ZFYVE9: variants seen among roughly 807,000 people sequenced by gnomAD.
ZFYVE9 encodes zinc finger FYVE domain-containing protein 9.
A neutral mutation model predicts 126.7 loss-of-function variants in ZFYVE9; 43 were observed. The observed-to-expected ratio is 0.34, with a 90% CI of 0.27 to 0.44. The LOEUF is 0.44. ZFYVE9 is among the 20% of genes least tolerant of loss of function. The pLI, the probability that ZFYVE9 is intolerant of heterozygous loss-of-function variation, is 1.00. For synonymous variants in ZFYVE9, 521 were observed against 597.4 expected, an observed-to-expected ratio of 0.87 and a Z score of 1.87; for missense variants, 1,476 against 1,697.0, an observed-to-expected ratio of 0.87 and a Z score of 2.29.
chr1:52,209,071 AT>A (rs2124583136), intron 1 of ZFYVE9, among the ~76,000 whole-genome samples: 1 of 152,350 alleles, frequency 6.6e-6, no homozygotes, highest in Admixed American at 6.5e-5. Context: ...AGCAATCTCT[AT>A]CCTGAGAAAC....
chr1:52,331,088 C>T (rs982069119), intron 13 of ZFYVE9, among the ~76,000 whole-genome samples: 16 of 151,992 alleles, frequency 1.1e-4, no homozygotes, highest in Admixed American at 9.8e-4. Context: ...AGGCTGGTCT[C>T]GAACTCCTGA....
At chr1:52,264,502 C>T (rs1324294135) in intron 5 of ZFYVE9, among the ~76,000 whole-genome samples, 1 of 152,102 alleles carries the variant, frequency 6.6e-6, no homozygotes, top group African/African-American at 2.4e-5. Context: ...TTTTGCTGGA[C>T]TGGAAATGAT....
intron 2 of ZFYVE9, among the ~76,000 whole-genome samples, chr1:52,219,935 G>A (rs889123017): frequency 8.6e-5 from 13 of 151,832 alleles, no homozygotes; most frequent in African/African-American, 2.7e-4. Context: ...CAGCCACCAC[G>A]CCCGGCTAAT....
Position 52,311,021 on chromosome 1 carries a change from G to T in ZFYVE9, c.3438+7096G>T, listed in dbSNP as rs183888547. Among the ~76,000 whole-genome samples the T allele has an allele frequency of 2.8e-3, 426 of 152,154 alleles. 3 individuals are homozygous for T. Among genetic ancestry groups the T allele is most frequent in the African/African-American group, 9.9e-3 (411 of 41,522 alleles). ...GCTGGGACTACAGGTGTGCACCACT[G>T]TGCGCAGCTAATTTTTAAATTTTTT... On this transcript the variant is annotated intron_variant, in intron 13 of 18. Coordinates refer to ENST00000287727, the MANE Select transcript of ZFYVE9 (RefSeq NM_004799.4).
rs531008588 is a variant in ZFYVE9 at position 52,201,000 on chromosome 1, A to G, written c.-142-15369A>G. On this transcript the variant is annotated intron_variant, in intron 1 of 18. Coordinates refer to ENST00000287727, the MANE Select transcript of ZFYVE9 (RefSeq NM_004799.4). The stretch of plus-strand genomic sequence containing the variant: ...CTCCTCCATATAAATTTTAGGATCA[A>G]TTTGTCAATGTTTATAAAATAACTT... 8.5e-5 allele frequency among the ~76,000 whole-genome samples: 13 copies of G among 152,294 alleles called. No individual in the cohort carries two copies. In the South Asian group the frequency reaches 2.1e-3, roughly 24 times the overall value.
At chr1:52,150,978 G>T (rs181332533) in intron 1 of ZFYVE9, among the ~76,000 whole-genome samples, 1 of 150,904 alleles carries the variant, frequency 6.6e-6, no homozygotes, top group East Asian at 1.9e-4. Flanking sequence ...TGTGATTCTG[G>T]TGATAATTGT....
intron 1 of ZFYVE9, among the ~76,000 whole-genome samples, chr1:52,198,120 G>GTTTTTTTTTTTTTTTTTTTT (rs373096573): frequency 9.0e-6 from 1 of 111,082 alleles, no homozygotes; most frequent in Non-Finnish European, 1.7e-5. Flanking sequence ...GTTTTTTTTT[G>GTTTTTTTTTTTTTTTTTTTT]TTTGTTTTTT....
intron 1 of ZFYVE9, among the ~76,000 whole-genome samples, chr1:52,151,422 T>C (rs1038621458): frequency 2.6e-5 from 4 of 152,164 alleles, no homozygotes; most frequent in Non-Finnish European, 5.9e-5. Flanking sequence ...TTCAAACTTA[T>C]ATATCAAGCT....
chr1:52,255,986 TTCCTTCC>T, intron 4 of ZFYVE9, among the ~76,000 whole-genome samples: 1 of 131,928 alleles, frequency 7.6e-6, no homozygotes, highest in East Asian at 2.7e-4. Flanking sequence ...CTTTCTTTCC[TTCCTTCC>T]TTCCTTCCTT....
chr1:52,245,390 T>C (rs1055023527), intron 4 of ZFYVE9, among the ~76,000 whole-genome samples: 4 of 151,932 alleles, frequency 2.6e-5, no homozygotes, highest in African/African-American at 9.7e-5. Flanking sequence ...GGGAAGCAGA[T>C]AGATTGTGGT....
At chr1:52,327,979 GAAA>G (rs1196600729) in intron 13 of ZFYVE9, among the ~76,000 whole-genome samples, 2 of 128,042 alleles carry the variant, frequency 1.6e-5, no homozygotes, top group African/African-American at 5.6e-5. Flanking sequence ...GTCTCAAAAA[GAAA>G]AAAAAAAAAA....
At chr1:52,194,002 G>A (rs906277633) in intron 1 of ZFYVE9, among the ~76,000 whole-genome samples, 4 of 151,894 alleles carry the variant, frequency 2.6e-5, no homozygotes, top group Admixed American at 6.6e-5. Context: ...CCAGCTTCTC[G>A]GGCGGCTGAG....
At chr1:52,332,212 G>A (rs927298276) in intron 13 of ZFYVE9, among the ~76,000 whole-genome samples, 30 of 150,678 alleles carry the variant, frequency 2.0e-4, no homozygotes, top group African/African-American at 6.6e-4. Context: ...TTTTTTTTTG[G>A]ATTAGGTCAG....
intron 13 of ZFYVE9, among the ~76,000 whole-genome samples, chr1:52,307,299 A>C (rs1041297437): frequency 6.6e-6 from 1 of 151,496 alleles, no homozygotes; most frequent in Non-Finnish European, 1.5e-5. Context: ...GCAGTGGCAC[A>C]ATCTTGGCTC....
At chr1:52,151,803 C>G (rs1305321629) in intron 1 of ZFYVE9, among the ~76,000 whole-genome samples, 1 of 152,070 alleles carries the variant, frequency 6.6e-6, no homozygotes, top group Non-Finnish European at 1.5e-5. Context: ...AGACATGAGC[C>G]ACCTCTCTGA....
chr1:52,327,265 C>A (rs1312921627), intron 13 of ZFYVE9, among the ~76,000 whole-genome samples: 1 of 152,082 alleles, frequency 6.6e-6, no homozygotes, highest in Non-Finnish European at 1.5e-5. Context: ...TATGGCATTT[C>A]AAAGAAGGTA....
intron 1 of ZFYVE9, among the ~76,000 whole-genome samples, chr1:52,149,850 C>G (rs1233536285): frequency 6.6e-6 from 1 of 152,108 alleles, no homozygotes; most frequent in East Asian, 1.9e-4. Flanking sequence ...CTTTTAGTTC[C>G]TTTGGATGAT....
At chr1:52,182,239 C>G (rs1389589857) in intron 1 of ZFYVE9, among the ~76,000 whole-genome samples, 2 of 152,228 alleles carry the variant, frequency 1.3e-5, no homozygotes, top group Non-Finnish European at 2.9e-5. Context: ...ACCACCCCGT[C>G]TGGGAGGTGT....
intron 1 of ZFYVE9, among the ~76,000 whole-genome samples, chr1:52,183,492 A>G (rs941646979): frequency 6.6e-6 from 1 of 152,096 alleles, no homozygotes; most frequent in Non-Finnish European, 1.5e-5. Context: ...ATTTTATTCA[A>G]AATTATTTAT....
Sources: gnomAD v4.1 joint callset for allele counts (sites outside exome capture counted in the v4.1 genomes callset) on GRCh38, gnomAD v4.1.1 for gene constraint, MANE v1.5 for transcripts, NCBI Gene and HGNC (gene_info 2026-07-23, HGNC 2026-07-21) for gene names.